NMNAT3: variants seen among roughly 807,000 people sequenced by gnomAD.
NMNAT3 encodes the protein nicotinamide/nicotinic acid mononucleotide adenylyltransferase 3.
In NMNAT3, 21 loss-of-function variants were observed where a neutral mutation model predicts 24.8. The ratio of observed to expected loss-of-function variants is 0.85; its 90% CI spans 0.60 to 1.22. NMNAT3 has a LOEUF of 1.22. Ranked by LOEUF, NMNAT3 falls within the 50% of genes most tolerant of loss-of-function variation. NMNAT3 has a pLI of 0.00. For missense variants in NMNAT3, 387 were observed against 436.6 expected (o/e 0.89, Z 1.01); for synonymous variants, 136 against 155.2 (o/e 0.88, Z 0.92).
intron 6 of NMNAT3, chr3:139,570,341 C>T (rs1056126524): frequency 6.6e-6 from 1 of 152,272 alleles, no homozygotes; most frequent in Non-Finnish European, 1.5e-5. Context: ...CTTCTCTCAA[C>T]TCGTCAAAGT....
chr3:139,616,455 C>T (rs2055507143), intron 3 of NMNAT3, among the ~76,000 whole-genome samples: 1 of 152,202 alleles, frequency 6.6e-6, no homozygotes, highest in African/African-American at 2.4e-5. Flanking sequence ...TCTCATTTAC[C>T]CCTAAGGATA....
At chr3:139,668,197 A>T (rs1370880757) in intron 1 of NMNAT3, among the ~76,000 whole-genome samples, 1 of 152,208 alleles carries the variant, frequency 6.6e-6, no homozygotes, top group Non-Finnish European at 1.5e-5. Context: ...AAGAAAGAAC[A>T]GTTCAAAAGG....
intron 3 of NMNAT3, among the ~76,000 whole-genome samples, chr3:139,597,518 A>G (rs916438433): frequency 6.6e-6 from 1 of 152,170 alleles, no homozygotes; most frequent in African/African-American, 2.4e-5. Context: ...ACTACTTTAT[A>G]TGGGTATTTT....
At chr3:139,611,531 T>C (rs2055214626) in intron 3 of NMNAT3, among the ~76,000 whole-genome samples, 1 of 152,268 alleles carries the variant, frequency 6.6e-6, no homozygotes, top group African/African-American at 2.4e-5. Flanking sequence ...GATCTCTTTC[T>C]GTGACACCAT....
At chr3:139,598,080 A>G (rs1321383497) in intron 3 of NMNAT3, among the ~76,000 whole-genome samples, 1 of 152,258 alleles carries the variant, frequency 6.6e-6, no homozygotes, top group Non-Finnish European at 1.5e-5. Flanking sequence ...AAATAGAATT[A>G]GATAACAGAT....
intron 3 of NMNAT3, chr3:139,599,088 C>G: frequency 2.0e-6 from 1 of 491,844 alleles, no homozygotes; most frequent in Non-Finnish European, 3.5e-6. Flanking sequence ...CCTCACAAAC[C>G]GTGAAGCAAA....
intron 1 of NMNAT3, among the ~76,000 whole-genome samples, chr3:139,654,870 GAC>G (rs200981277): frequency 0.014 from 2,121 of 152,314 alleles, 46 homozygotes; most frequent in African/African-American, 0.049. Context: ...GGGAGACAAA[GAC>G]ACACCACAGT....
intron 3 of NMNAT3, chr3:139,584,121 C>T (rs1019162529): frequency 6.4e-6 from 1 of 156,154 alleles, no homozygotes; most frequent in Non-Finnish European, 1.4e-5. Flanking sequence ...TTCTATCCTT[C>T]TACTCTATTG....
Position 139,598,448 on chromosome 3 carries a change from G to A in NMNAT3, c.110-15240C>T, listed in dbSNP as rs190407019. ...CTGCCATGAATGGGTTCTAAAAAAC[G>A]CCCAAACTAGCCTACTCAGAAAGAC... On this transcript the variant is annotated intron_variant, in intron 3 of 6. Transcript: ENST00000643695. Among the ~76,000 whole-genome samples, 8 of 152,212 alleles carry A rather than the reference G, an allele frequency of 5.3e-5. No individual in the cohort carries two copies. In the East Asian group the frequency reaches 7.7e-4, roughly 15 times the overall value.
chr3:139,673,307 G>A (rs780823035), intron 1 of NMNAT3, among the ~76,000 whole-genome samples: 8 of 152,138 alleles, frequency 5.3e-5, no homozygotes, highest in South Asian at 2.1e-4. Context: ...CAACATCCGA[G>A]GAGGAGCTCT....
intron 3 of NMNAT3, chr3:139,599,510 CAAGT>C (rs2054619794): frequency 1.5e-6 from 1 of 655,906 alleles, no homozygotes; most frequent in African/African-American, 1.8e-5. Context: ...TGTTAAGAAT[CAAGT>C]AACAAAGAAG....
intron 3 of NMNAT3, among the ~76,000 whole-genome samples, chr3:139,612,108 G>T (rs1053426323): frequency 6.6e-6 from 1 of 151,246 alleles, no homozygotes; most frequent in East Asian, 1.9e-4. Flanking sequence ...CAGAAGTTGC[G>T]GTGAGCCGAG....
At chr3:139,646,190 G>A (rs547278483) in intron 1 of NMNAT3, among the ~76,000 whole-genome samples, 9 of 152,278 alleles carry the variant, frequency 5.9e-5, no homozygotes, top group African/African-American at 2.2e-4. Flanking sequence ...TGATTTAAAA[G>A]TATCAGTGTT....
At chr3:139,603,281 T>G (rs1463491857) in intron 3 of NMNAT3, among the ~76,000 whole-genome samples, 2 of 152,216 alleles carry the variant, frequency 1.3e-5, no homozygotes, top group African/African-American at 2.4e-5. Flanking sequence ...TGGATGAGTG[T>G]TCACAGGACC....
At chr3:139,597,708 C>T (rs2054543213) in intron 3 of NMNAT3, among the ~76,000 whole-genome samples, 1 of 152,196 alleles carries the variant, frequency 6.6e-6, no homozygotes, top group African/African-American at 2.4e-5. Context: ...AATGTATTTC[C>T]CTGCCCCTTG....
chr3:139,627,353 GC>G (rs1329846897), intron 3 of NMNAT3, among the ~76,000 whole-genome samples: 4 of 152,128 alleles, frequency 2.6e-5, no homozygotes, highest in African/African-American at 4.8e-5. Context: ...TCTGTAGAGG[GC>G]CTGTTGTCGT....
intron 3 of NMNAT3, among the ~76,000 whole-genome samples, chr3:139,614,283 T>A (rs2055377632): frequency 6.6e-6 from 1 of 151,820 alleles, no homozygotes; most frequent in African/African-American, 2.4e-5. Context: ...TCACCTAAAG[T>A]CCCCATTCCT....
chr3:139,611,564 G>A (rs1031924470), intron 3 of NMNAT3, among the ~76,000 whole-genome samples: 13 of 152,186 alleles, frequency 8.5e-5, no homozygotes, highest in South Asian at 2.1e-4. Context: ...GGGAGCATGC[G>A]CCCTCTGAAG....
chr3:139,640,731 C>T (rs1489749860), intron 1 of NMNAT3, among the ~76,000 whole-genome samples: 1 of 152,112 alleles, frequency 6.6e-6, no homozygotes, highest in Non-Finnish European at 1.5e-5. Context: ...TACAACATAA[C>T]CAAGTCCAGA....
Sources: gnomAD v4.1 joint callset for allele counts (sites outside exome capture counted in the v4.1 genomes callset) on GRCh38, gnomAD v4.1.1 for gene constraint, MANE v1.5 for transcripts, NCBI Gene and HGNC (gene_info 2026-07-23, HGNC 2026-07-21) for gene names.